The following ADAMTSL3 variants were observed in gnomAD, a reference collection of about 807,000 sequenced individuals.
ADAMTSL3 encodes the protein ADAMTS like 3, also known as ADAMTS-like protein 3.
In ADAMTSL3, 128 loss-of-function variants were observed where a neutral mutation model predicts 201.7. That is an observed-to-expected ratio of 0.63 (90% CI 0.55 to 0.73). The LOEUF is 0.73. Among genes scored for constraint, ADAMTSL3 ranks in the 30% least tolerant of loss-of-function variants. The pLI, the probability that ADAMTSL3 is intolerant of heterozygous loss-of-function variation, is 0.00. For missense variants in ADAMTSL3, 1,990 were observed against 2,119.6 expected, an observed-to-expected ratio of 0.94 and a Z score of 1.20; for synonymous variants, 738 against 748.4, an observed-to-expected ratio of 0.99 and a Z score of 0.23.
At chr15:83,957,496 A>C (rs1460539661) in intron 19 of ADAMTSL3, among the ~76,000 whole-genome samples, 1 of 152,208 alleles carries the variant, frequency 6.6e-6, no homozygotes, top group Non-Finnish European at 1.5e-5. Flanking sequence ...AATCAACAAG[A>C]GAGAATGAAG....
At chr15:83,714,978 T>C (rs984236694) in intron 3 of ADAMTSL3, among the ~76,000 whole-genome samples, 2 of 149,358 alleles carry the variant, frequency 1.3e-5, no homozygotes, top group Non-Finnish European at 3.0e-5. Context: ...TTTTTTCTTA[T>C]AGCATTTTGA....
chr15:83,903,950 A>AGGGAAGG (rs1567226158), intron 15 of ADAMTSL3, among the ~76,000 whole-genome samples: 1 of 40,340 alleles, frequency 2.5e-5, no homozygotes, highest in African/African-American at 1.8e-4. Context: ...AAAAAGAAAA[A>AGGGAAGG]AGAAAGAAAG....
chr15:83,757,397 C>T (rs548889575), intron 3 of ADAMTSL3, among the ~76,000 whole-genome samples: 1 of 150,822 alleles, frequency 6.6e-6, no homozygotes, highest in South Asian at 2.1e-4. Flanking sequence ...GAAGCCATGG[C>T]CTGAGTTGTA....
At chr15:83,895,128 T>G (rs1376258365) in intron 13 of ADAMTSL3, among the ~76,000 whole-genome samples, 2 of 152,256 alleles carry the variant, frequency 1.3e-5, no homozygotes, top group East Asian at 1.9e-4. Flanking sequence ...CAAGGTCGGT[T>G]TGTTCTTTGA....
intron 16 of ADAMTSL3, among the ~76,000 whole-genome samples, chr15:83,915,332 G>T (rs2066015627): frequency 6.6e-6 from 1 of 152,144 alleles, no homozygotes; most frequent in African/African-American, 2.4e-5. Flanking sequence ...GTTGCTCAAA[G>T]AGAGATGACC....
chr15:83,671,358 G>T (rs2061326916), intron 2 of ADAMTSL3, among the ~76,000 whole-genome samples: 6 of 152,014 alleles, frequency 3.9e-5, no homozygotes, highest in Admixed American at 2.0e-4. Context: ...GTGTGTTCGG[G>T]ATTTCTCCAG....
At chr15:83,757,491 G>A (rs550850745) in intron 3 of ADAMTSL3, among the ~76,000 whole-genome samples, 13 of 152,292 alleles carry the variant, frequency 8.5e-5, no homozygotes, top group African/African-American at 2.9e-4. Flanking sequence ...CACAGCAGGG[G>A]GGCCCTGGGC....
At chr15:83,674,785 ATAT>A (rs1371426147) in intron 2 of ADAMTSL3, among the ~76,000 whole-genome samples, 7 of 144,994 alleles carry the variant, frequency 4.8e-5, no homozygotes, top group African/African-American at 1.5e-4. Context: ...ATATATATAT[ATAT>A]AAATCTTGCT....
At chr15:83,776,067 C>T (rs531358796) in intron 4 of ADAMTSL3, among the ~76,000 whole-genome samples, 1 of 152,244 alleles carries the variant, frequency 6.6e-6, no homozygotes, top group Non-Finnish European at 1.5e-5. Flanking sequence ...CAGCTGTTCT[C>T]TCAGCCCTTA....
At chr15:83,958,289 T>A (rs1002915059) in intron 19 of ADAMTSL3, among the ~76,000 whole-genome samples, 3 of 152,098 alleles carry the variant, frequency 2.0e-5, no homozygotes, top group Admixed American at 1.3e-4. Context: ...CAGAGTGTGA[T>A]TGGATGCAAG....
intron 17 of ADAMTSL3, among the ~76,000 whole-genome samples, chr15:83,937,157 G>C (rs971737207): frequency 1.1e-4 from 16 of 150,746 alleles, no homozygotes; most frequent in Admixed American, 2.6e-4. Flanking sequence ...TTTCATTATT[G>C]GGTATATATC....
chr15:83,789,178 T>C (rs1008744122), intron 4 of ADAMTSL3, among the ~76,000 whole-genome samples: 2 of 152,220 alleles, frequency 1.3e-5, no homozygotes, highest in South Asian at 2.1e-4. Context: ...TTCTCTTTGT[T>C]CATTTGCCCT....
At chr15:83,902,679 CT>C (rs909485856) in intron 15 of ADAMTSL3, among the ~76,000 whole-genome samples, 2 of 152,158 alleles carry the variant, frequency 1.3e-5, no homozygotes, top group African/African-American at 2.4e-5. Context: ...ATTACCTTTC[CT>C]GGTCCCCAGC....
intron 13 of ADAMTSL3, among the ~76,000 whole-genome samples, chr15:83,895,928 C>T (rs1185222489): frequency 6.6e-6 from 1 of 152,126 alleles, no homozygotes; most frequent in Non-Finnish European, 1.5e-5. Context: ...CAATATTCTG[C>T]CTGATGTGTG....
chr15:83,658,104 GTTTCC>G (rs1049244384), intron 2 of ADAMTSL3, among the ~76,000 whole-genome samples: 4 of 152,184 alleles, frequency 2.6e-5, no homozygotes, highest in Non-Finnish European at 4.4e-5. Flanking sequence ...AACAAATAGA[GTTTCC>G]TTTCTTTTCT....
intron 3 of ADAMTSL3, among the ~76,000 whole-genome samples, chr15:83,754,380 G>C (rs981057137): frequency 2.0e-5 from 3 of 152,132 alleles, no homozygotes; most frequent in African/African-American, 4.8e-5. Context: ...ACCAAGACAG[G>C]CTTCTTGGCA....
At chr15:83,769,721 G>T (rs1456841972) in intron 3 of ADAMTSL3, among the ~76,000 whole-genome samples, 1 of 151,622 alleles carries the variant, frequency 6.6e-6, no homozygotes, top group Non-Finnish European at 1.5e-5. Context: ...TTTGCTTCCA[G>T]TCATTATTTC....
chr15:83,952,912 G>A (rs2066784800), intron 19 of ADAMTSL3, among the ~76,000 whole-genome samples: 1 of 151,856 alleles, frequency 6.6e-6, no homozygotes, highest in Non-Finnish European at 1.5e-5. Context: ...TTTTTGCCTT[G>A]AAATCTATTT....
intron 3 of ADAMTSL3, among the ~76,000 whole-genome samples, chr15:83,747,551 C>G (rs1371005690): frequency 6.6e-6 from 1 of 152,144 alleles, no homozygotes; most frequent in Non-Finnish European, 1.5e-5. Context: ...GGAAGTGACC[C>G]TGTGCCCTGG....
Sources: gnomAD v4.1 joint callset for allele counts (sites outside exome capture counted in the v4.1 genomes callset) on GRCh38, gnomAD v4.1.1 for gene constraint, MANE v1.5 for transcripts, NCBI Gene and HGNC (gene_info 2026-07-23, HGNC 2026-07-21) for gene names.